The following WDR43 variants were observed in gnomAD, a reference collection of about 807,000 sequenced individuals.
The protein encoded by WDR43 is WD repeat domain 43.
Under a neutral mutation model 91.4 loss-of-function variants are expected in WDR43, and 13 were observed. The ratio of observed to expected loss-of-function variants is 0.14; its 90% CI spans 0.09 to 0.23. The LOEUF (loss-of-function observed/expected upper bound fraction) is 0.23. Ranked by LOEUF, WDR43 falls within the 10% of genes least tolerant of loss-of-function variation. The probability of loss-of-function intolerance (pLI) is 1.00; values close to 1 mark genes in which losing one functional copy is unlikely to be tolerated. For synonymous variants in WDR43, 331 were observed against 287.9 expected, an observed-to-expected ratio of 1.15 and a Z score of -1.51; for missense variants, 780 against 809.4, an observed-to-expected ratio of 0.96 and a Z score of 0.44.
chr2:28,946,986 G>C lies in WDR43; in HGVS notation c.*207G>C. ...TTCAAATGTTAATAAACTTTACACA[G>C]TATATAGACACATTTTCTGCAATGT... On this transcript the variant is annotated 3_prime_UTR_variant, in exon 18 of 18. Coordinates refer to ENST00000407426, the MANE Select transcript of WDR43 (RefSeq NM_015131.3). The C allele has an allele frequency of 4.1e-6, 2 of 482,834 alleles. No homozygotes were observed. Among genetic ancestry groups the C allele is most frequent in the South Asian group, 7.5e-5 (2 of 26,584 alleles). The allele number at this position is 482,834 out of a possible 1,614,324, so 29.9% of individuals were successfully genotyped here.
rs1185593695 is a variant in WDR43 at position 28,906,650 on chromosome 2, G to A, written c.485+69G>A. The A allele has an allele frequency of 1.9e-6, 3 of 1,540,730 alleles. No homozygotes were observed. The African/African-American group carries it at 4.1e-5, about 21-fold the overall frequency. ...AAATGCTGGACTTGTGGGGAATGCA[G>A]ACATTAATAAGGTTATAGGTTCCAT... On this transcript the variant is annotated intron_variant, in intron 3 of 17. Coordinates refer to ENST00000407426, the MANE Select transcript of WDR43 (RefSeq NM_015131.3).
At chr2:28,940,237 T>G (rs1671410158) in intron 14 of WDR43, among the ~76,000 whole-genome samples, 1 of 151,938 alleles carries the variant, frequency 6.6e-6, no homozygotes, top group South Asian at 2.1e-4. Flanking sequence ...TTTTTCTTTT[T>G]TTTTTTCTTG....
At chr2:28,920,938 A>G (rs1321001870) in intron 6 of WDR43, among the ~76,000 whole-genome samples, 3 of 151,960 alleles carry the variant, frequency 2.0e-5, no homozygotes, top group African/African-American at 7.3e-5. Context: ...TGGCCTCACA[A>G]AGTGCTGGGA....
chr2:28,895,085 C>G (rs1270876040), intron 1 of WDR43, 162 bp downstream of exon 1: 1 of 642,114 alleles, frequency 1.6e-6, no homozygotes, highest in East Asian at 3.8e-5. Flanking sequence ...CCGCCAGCCC[C>G]GCGTGCGGCC....
chr2:28,916,022 A>G (rs1670902335), intron 5 of WDR43, among the ~76,000 whole-genome samples: 1 of 152,260 alleles, frequency 6.6e-6, no homozygotes, highest in African/African-American at 2.4e-5. Flanking sequence ...AAAAACAGCT[A>G]TATTGAAGTA....
intron 2 of WDR43, among the ~76,000 whole-genome samples, chr2:28,904,287 G>A (rs574788969): frequency 1.5e-4 from 23 of 152,260 alleles, no homozygotes; most frequent in Non-Finnish European, 2.5e-4. Context: ...CTAGTTGTAT[G>A]ATCATGTGTG....
intron 2 of WDR43, 104 bp from the exon 3 acceptor site, chr2:28,906,356 T>A: frequency 8.5e-7 from 1 of 1,171,834 alleles, no homozygotes; most frequent in Non-Finnish European, 1.2e-6. Context: ...GAGCACTGGC[T>A]CATGCCTGTA....
intron 1 of WDR43, 113 bp from the exon 2 acceptor site, chr2:28,901,874 C>A: frequency 9.4e-7 from 1 of 1,065,354 alleles, no homozygotes; most frequent in Non-Finnish European, 1.3e-6. Flanking sequence ...TAGCTTCTCT[C>A]TTCCCCCCTT....
At chr2:28,924,153 G>A (rs965167144) in intron 7 of WDR43, among the ~76,000 whole-genome samples, 9 of 152,162 alleles carry the variant, frequency 5.9e-5, no homozygotes, top group African/African-American at 2.2e-4. Flanking sequence ...AATACAGTGA[G>A]GGGCATGTTC....
intron 3 of WDR43, among the ~76,000 whole-genome samples, chr2:28,907,923 AG>A (rs1350223637): frequency 6.7e-6 from 1 of 149,968 alleles, no homozygotes; most frequent in Non-Finnish European, 1.5e-5. Flanking sequence ...AAGCCACTGC[AG>A]GTCAGTGTCT....
At chr2:28,926,312 A>G (rs1014626377) in intron 8 of WDR43, among the ~76,000 whole-genome samples, 156 bp from the exon 9 acceptor site, 3 of 152,176 alleles carry the variant, frequency 2.0e-5, no homozygotes, top group East Asian at 1.9e-4. Context: ...GTGGTTAACA[A>G]TTGAGTGTGG....
intron 11 of WDR43, among the ~76,000 whole-genome samples, 159 bp from the exon 12 acceptor site, chr2:28,935,362 T>A (rs1671319216): frequency 6.6e-6 from 1 of 152,182 alleles, no homozygotes; most frequent in Non-Finnish European, 1.5e-5. Context: ...ACATACTCCA[T>A]TCAGTCCCTC....
At chr2:28,925,487 C>G (rs1191553850) in intron 8 of WDR43, among the ~76,000 whole-genome samples, 2 of 152,130 alleles carry the variant, frequency 1.3e-5, no homozygotes, top group Admixed American at 1.3e-4. Context: ...TTCCTAGTGT[C>G]TTACTAGTTG....
Position 28,902,025 on chromosome 2 carries a change from A to C in WDR43, c.264A>C (p.Val88=), listed in dbSNP as rs756739126. The change falls in exon 2 of 18, where the codon GTA becomes GTC. Residue 88 remains valine (V), a synonymous_variant. Transcript: ENST00000407426. The part of the protein sequence containing the change: ...PQRKKRKSEA[V]GMSNQTDLLA... ...GGAAAAAAAGGAAATCAGAAGCTGT[A>C]GGAATGAGTAACCAGACTGACTTAT... is the stretch of plus-strand genomic sequence containing the variant. 1 of 1,606,392 alleles carries C rather than the reference A, an allele frequency of 6.2e-7. No individual in the cohort carries two copies. The highest frequency in any genetic ancestry group is 1.7e-5 in the Admixed American group (1 of 57,658).
In WDR43 at chr2:28,894,803, C is replaced by A; in HGVS notation, c.105C>A (p.Asp35Glu). Residue 35 changes from aspartate to glutamate, a missense_variant, in exon 1 of 18, where the codon GAC (aspartate) becomes GAA (glutamate). Asp to Glu is a conservative substitution (Grantham distance 45). This residue lies in a region of WDR43 where 175 missense variants were observed against 113.8 expected (regional missense o/e 1.54). Coordinates refer to ENST00000407426, the MANE Select transcript of WDR43 (RefSeq NM_015131.3). Reference sequence around the variant, plus strand: ...CCTACTTCGCTTTGGCCTCTACCGACGGTCACTTACGAGTATGGGAGACGG... The same window carrying A: ...CCTACTTCGCTTTGGCCTCTACCGAAGGTCACTTACGAGTATGGGAGACGG... Reference protein sequence around the residue: ...SQAYFALASTDGHLRVWETAN... With the variant: ...SQAYFALASTEGHLRVWETAN... 1 of 1,610,658 alleles carries A rather than the reference C, an allele frequency of 6.2e-7. No individual in the cohort carries two copies. The highest frequency in any genetic ancestry group is 8.5e-7 in the Non-Finnish European group (1 of 1,178,550).
rs781257081 is a variant in WDR43, at chr2:28,946,456, C to G, written c.1811C>G (p.Ser604Cys). ...KAKLVYEEES[S>C]EEESDDEIAD... The stretch of plus-strand genomic sequence containing the variant: ...GTTCTTTCTCCCCTTACAGAGTCTT[C>G]TGAAGAGGAGTCTGATGATGAAATA... The change falls in exon 17 of 18, where the codon TCT becomes TGT. Residue 604 changes from serine (S) to cysteine (C), a missense_variant. Physicochemically the swap from Ser to Cys is moderately radical, Grantham distance 112. Transcript: ENST00000407426. 43 of 1,611,220 alleles carry G rather than the reference C, an allele frequency of 2.7e-5. No individual in the cohort carries two copies. The highest frequency in any genetic ancestry group is 3.6e-5 in the Non-Finnish European group (42 of 1,178,840).
intron 11 of WDR43, among the ~76,000 whole-genome samples, chr2:28,931,762 A>G (rs1671251504): frequency 6.6e-6 from 1 of 152,064 alleles, no homozygotes; most frequent in Middle Eastern, 3.2e-3. Context: ...AACACTTCTT[A>G]AATTGTATAG....
At chr2:28,919,089 C>T (rs1670971523) in intron 6 of WDR43, among the ~76,000 whole-genome samples, 1 of 152,088 alleles carries the variant, frequency 6.6e-6, no homozygotes, top group South Asian at 2.1e-4. Flanking sequence ...GAGACCCTGT[C>T]TCTACAAAAA....
intron 11 of WDR43, among the ~76,000 whole-genome samples, chr2:28,934,696 C>A (rs373962269): frequency 1.3e-5 from 2 of 152,176 alleles, no homozygotes; most frequent in African/African-American, 4.8e-5. Flanking sequence ...CCAGCCCAGA[C>A]AGCAGAATGA....
Sources: gnomAD v4.1 joint callset for allele counts (sites outside exome capture counted in the v4.1 genomes callset) on GRCh38, gnomAD v4.1.1 for gene constraint, gnomAD v4.1.1 regional missense constraint, MANE v1.5 for transcripts, NCBI Gene and HGNC (gene_info 2026-07-23, HGNC 2026-07-21) for gene names.